The following ATP6V1D variants were observed in gnomAD, a reference collection of about 807,000 sequenced individuals.
ATP6V1D encodes the protein ATPase H+ transporting V1 subunit D, also known as V-type proton ATPase subunit D.
ATP6V1D carries 20 observed loss-of-function variants against 39.4 expected under a neutral mutation model. The observed-to-expected ratio is 0.51, with a 90% confidence interval of 0.36 to 0.74. The LOEUF is 0.74. Among genes scored for constraint, ATP6V1D ranks in the 30% least tolerant of loss-of-function variants. The probability of loss-of-function intolerance (pLI) is 0.00; values close to 1 mark genes in which losing one functional copy is unlikely to be tolerated. For missense variants in ATP6V1D, 228 were observed against 291.6 expected (o/e 0.78, Z 1.59); for synonymous variants, 100 against 100.5 (o/e 0.99, Z 0.03).
intron 2 of ATP6V1D, among the ~76,000 whole-genome samples, chr14:67,351,172 A>G (rs1196594015): frequency 1.3e-5 from 2 of 152,230 alleles, no homozygotes; most frequent in Admixed American, 1.3e-4. Context: ...CAATAAGGAA[A>G]TATTAATATA....
chr14:67,338,480 C>T lies in ATP6V1D; in HGVS notation c.*141G>A. 1 of 898,522 alleles carries T rather than the reference C, an allele frequency of 1.1e-6. No individual in the cohort carries two copies. The highest frequency in any genetic ancestry group is 2.0e-5 in the South Asian group (1 of 49,346). 55.7% of individuals were successfully genotyped at this position (898,522 alleles called of 1,614,324 possible). On this transcript the variant is annotated 3_prime_UTR_variant, in exon 9 of 9. Transcript: ENST00000216442. ...AATTATGATTCTGCAAAAGTAATCC[C>T]ATAAATAGACATCTAGGTAAATTTT...
At chr14:67,348,942 A>C in intron 4 of ATP6V1D, 95 bp downstream of exon 4, 1 of 1,175,580 alleles carries the variant, frequency 8.5e-7, no homozygotes. Context: ...TAGAAGGAAG[A>C]AACTAGGACA....
At chr14:67,340,240 T>C in intron 8 of ATP6V1D, 200 bp downstream of exon 8, 1 of 500,504 alleles carries the variant, frequency 2.0e-6, no homozygotes, top group Non-Finnish European at 3.6e-6. Flanking sequence ...TTTTTGGAAA[T>C]GCCATGTTAT....
chr14:67,343,225 T>A (rs762587915), intron 7 of ATP6V1D, 147 bp downstream of exon 7: 13 of 522,424 alleles, frequency 2.5e-5, no homozygotes, highest in Non-Finnish European at 4.0e-5. Flanking sequence ...TTTTTTACTA[T>A]GGACACACTT....
At chr14:67,342,921 A>G (rs2141095407) in intron 7 of ATP6V1D, among the ~76,000 whole-genome samples, 1 of 152,290 alleles carries the variant, frequency 6.6e-6, no homozygotes, top group East Asian at 1.9e-4. Flanking sequence ...TAGTGAAATA[A>G]AAGAGATGGA....
At chr14:67,347,293 G>T in intron 5 of ATP6V1D, 116 bp downstream of exon 5, 1 of 802,420 alleles carries the variant, frequency 1.2e-6, no homozygotes, top group East Asian at 2.7e-5. Flanking sequence ...CAAATAAGAG[G>T]ATTTCTAACT....
chr14:67,348,938 GAAGA>G (rs1478426770), intron 4 of ATP6V1D, 95 bp downstream of exon 4: 5 of 1,137,956 alleles, frequency 4.4e-6, no homozygotes, highest in Non-Finnish European at 6.4e-6. Context: ...TAAGTAGAAG[GAAGA>G]AACTAGGACA....
chr14:67,340,222 G>T (rs1040488597), intron 8 of ATP6V1D: 15 of 472,706 alleles, frequency 3.2e-5, no homozygotes, highest in Non-Finnish European at 5.3e-5. Context: ...TTCTCTGAAA[G>T]GCCTAAGTTT....
chr14:67,358,154 A>T (rs981318488), intron 1 of ATP6V1D, among the ~76,000 whole-genome samples: 3 of 152,158 alleles, frequency 2.0e-5, no homozygotes, highest in Non-Finnish European at 4.4e-5. Flanking sequence ...CATTGCTAGA[A>T]GATAAACTAG....
intron 2 of ATP6V1D, among the ~76,000 whole-genome samples, chr14:67,351,615 C>T (rs1198008402): frequency 2.0e-5 from 3 of 152,094 alleles, no homozygotes; most frequent in African/African-American, 7.2e-5. Flanking sequence ...CTCAGGCAAT[C>T]CTCCTGCCTC....
intron 6 of ATP6V1D, among the ~76,000 whole-genome samples, chr14:67,344,881 A>C (rs1314100455): frequency 1.3e-5 from 2 of 149,970 alleles, no homozygotes; most frequent in African/African-American, 2.5e-5. Flanking sequence ...ATTCTGTCTC[A>C]AAGAAAAAAA....
intron 5 of ATP6V1D, among the ~76,000 whole-genome samples, chr14:67,347,039 T>C (rs28668536): frequency 0.16 from 23,602 of 152,112 alleles, 3,461 homozygotes; most frequent in East Asian, 0.42. Flanking sequence ...CAGGCTGGAG[T>C]GCAGTGGCGT....
At position 67,338,158 on chromosome 14, in the gene ATP6V1D, A is replaced by G. The variant is rs1484624778; in HGVS notation, c.*463T>C. 6.5e-6 allele frequency: 1 copy of G among 153,696 alleles called. No homozygotes were observed. The highest frequency in any genetic ancestry group is 2.4e-5 in the African/African-American group (1 of 41,476). The allele number at this position is 153,696 out of a possible 1,614,324, so 9.5% of individuals were successfully genotyped here. A position where few individuals can be genotyped will look rare whatever the true frequency, so the allele number is the denominator to read the frequency against. On this transcript the variant is annotated 3_prime_UTR_variant, in exon 9 of 9. Transcript: ENST00000216442. ...ATGACAGACAAGACAGGAACCTGTC[A>G]TGCAAGGAAAAGTGCAGGTTTTCAC...
At chr14:67,356,602 T>G (rs533427709) in intron 1 of ATP6V1D, among the ~76,000 whole-genome samples, 61 of 152,236 alleles carry the variant, frequency 4.0e-4, no homozygotes, top group Middle Eastern at 3.4e-3. Context: ...TAAAACAACT[T>G]TCTCAAAGTT....
chr14:67,352,010 C>G (rs1271978993), intron 2 of ATP6V1D, among the ~76,000 whole-genome samples: 1 of 151,334 alleles, frequency 6.6e-6, no homozygotes, highest in African/African-American at 2.4e-5. Flanking sequence ...CAGGGCCAGG[C>G]ACAGTGGCTA....
At chr14:67,356,248 C>T (rs543671287) in intron 1 of ATP6V1D, among the ~76,000 whole-genome samples, 155 of 151,912 alleles carry the variant, frequency 1.0e-3, no homozygotes, top group African/African-American at 3.5e-3. Flanking sequence ...AGTGAAACCC[C>T]ATCTCTACCA....
chr14:67,343,819 G>A (rs1212473524), intron 6 of ATP6V1D, among the ~76,000 whole-genome samples: 1 of 152,230 alleles, frequency 6.6e-6, no homozygotes. Context: ...CTGTGCCACT[G>A]TACTCCAGCT....
intron 5 of ATP6V1D, 116 bp downstream of exon 5, chr14:67,347,293 G>C: frequency 2.5e-6 from 2 of 802,422 alleles, no homozygotes; most frequent in South Asian, 3.5e-5. Flanking sequence ...CAAATAAGAG[G>C]ATTTCTAACT....
intron 2 of ATP6V1D, among the ~76,000 whole-genome samples, chr14:67,351,120 G>A (rs2085651515): frequency 6.6e-6 from 1 of 152,174 alleles, no homozygotes; most frequent in African/African-American, 2.4e-5. Context: ...TGGGTCAGCT[G>A]GGTAGGGAGT....
Sources: gnomAD v4.1 joint callset for allele counts (sites outside exome capture counted in the v4.1 genomes callset) on GRCh38, gnomAD v4.1.1 for gene constraint, MANE v1.5 for transcripts, NCBI Gene and HGNC (gene_info 2026-07-23, HGNC 2026-07-21) for gene names.